The following CNTN5 variants were observed in gnomAD, a reference collection of about 807,000 sequenced individuals.
CNTN5 encodes the protein contactin-5.
CNTN5 carries 77 observed loss-of-function variants against 129.1 expected under a neutral mutation model. That is an observed-to-expected ratio of 0.60 (90% CI 0.50 to 0.72). The LOEUF is 0.72. CNTN5 is among the 30% of genes least tolerant of loss of function. The probability of loss-of-function intolerance (pLI) is 0.00; values close to 1 mark genes in which losing one functional copy is unlikely to be tolerated. For missense variants in CNTN5, 1,478 were observed against 1,328.8 expected (o/e 1.11, Z -1.75); for synonymous variants, 509 against 465.6 (o/e 1.09, Z -1.20).
intron 1 of CNTN5, among the ~76,000 whole-genome samples, chr11:99,057,224 AT>A (rs1176289676): frequency 6.6e-6 from 1 of 151,948 alleles, no homozygotes; most frequent in Non-Finnish European, 1.5e-5. Context: ...TATCCTGAAG[AT>A]TTTCTAGAAA....
intron 6 of CNTN5, among the ~76,000 whole-genome samples, chr11:99,883,293 C>T (rs1948819241): frequency 2.0e-5 from 3 of 152,174 alleles, no homozygotes; most frequent in Non-Finnish European, 2.9e-5. Flanking sequence ...AACCTCCAAA[C>T]TGTTCTCCGT....
chr11:99,360,585 A>G (rs928204650), intron 2 of CNTN5, among the ~76,000 whole-genome samples: 8 of 152,158 alleles, frequency 5.3e-5, no homozygotes, highest in African/African-American at 1.7e-4. Flanking sequence ...CCTTGGCCCA[A>G]TGGAGTCATA....
rs141455053 is a variant in CNTN5, at chr11:99,474,074, A to G, written c.-70-82071A>G. The stretch of plus-strand genomic sequence containing the variant: ...TTTATTGCACCAAAACAATTTTCTT[A>G]AATGGGAGTACTTGCTTACATTGTG... On this transcript the variant is annotated intron_variant, in intron 2 of 24. Coordinates refer to ENST00000524871, the MANE Select transcript of CNTN5 (RefSeq NM_014361.4). Among the ~76,000 whole-genome samples the G allele has an allele frequency of 6.6e-4, 100 of 152,180 alleles. 2 individuals are homozygous for G. In the South Asian group the frequency reaches 0.017, roughly 26 times the overall value.
chr11:99,499,985 A>C (rs1051239385), intron 2 of CNTN5, among the ~76,000 whole-genome samples: 1 of 152,132 alleles, frequency 6.6e-6, no homozygotes, highest in Non-Finnish European at 1.5e-5. Context: ...TTGACTTTGA[A>C]AAAGAATGGC....
chr11:99,087,287 A>T (rs1866042630), intron 1 of CNTN5, among the ~76,000 whole-genome samples: 1 of 152,136 alleles, frequency 6.6e-6, no homozygotes, highest in South Asian at 2.1e-4. Context: ...GCTGCAATTC[A>T]ACCTCAGGTA....
At chr11:100,064,668 C>T (rs1014470566) in intron 10 of CNTN5, among the ~76,000 whole-genome samples, 3 of 151,868 alleles carry the variant, frequency 2.0e-5, no homozygotes, top group East Asian at 1.9e-4. Context: ...TATTTCTGTC[C>T]CCTCTAGTTT....
intron 23 of CNTN5, among the ~76,000 whole-genome samples, chr11:100,349,265 T>TGTAA (rs1262424166): frequency 7.9e-5 from 12 of 152,010 alleles, no homozygotes; most frequent in Non-Finnish European, 1.6e-4. Flanking sequence ...TTTTTTTGTA[T>TGTAA]GTAAGTTAAT....
intron 1 of CNTN5, among the ~76,000 whole-genome samples, chr11:99,091,111 A>T (rs1354196207): frequency 6.6e-6 from 1 of 152,028 alleles, no homozygotes; most frequent in Non-Finnish European, 1.5e-5. Context: ...GACCTAAATC[A>T]AACACAGTGA....
At chr11:99,919,802 A>ATTTATTTTATTTTAT (rs145689745) in intron 7 of CNTN5, among the ~76,000 whole-genome samples, 1,918 of 147,650 alleles carry the variant, frequency 0.013, 30 homozygotes, top group African/African-American at 0.035. Context: ...TTTCTAGAAT[A>ATTTATTTTATTTTAT]TTTATTTTAT....
chr11:100,288,206 G>A (rs893297048), intron 18 of CNTN5, among the ~76,000 whole-genome samples: 1 of 152,114 alleles, frequency 6.6e-6, no homozygotes, highest in Non-Finnish European at 1.5e-5. Context: ...CAACGAGACA[G>A]AAAGTCAACA....
At chr11:100,122,595 C>T (rs543403753) in intron 13 of CNTN5, among the ~76,000 whole-genome samples, 21 of 152,048 alleles carry the variant, frequency 1.4e-4, no homozygotes, top group South Asian at 4.1e-4. Context: ...TAAAATGAAA[C>T]GTGAGCAATG....
chr11:99,143,407 AT>A (rs1404878963), intron 1 of CNTN5, among the ~76,000 whole-genome samples: 1 of 149,518 alleles, frequency 6.7e-6, no homozygotes, highest in Non-Finnish European at 1.5e-5. Flanking sequence ...TATTAAATAT[AT>A]CATATATAAA....
chr11:100,119,633 G>A (rs1208981780), intron 13 of CNTN5, among the ~76,000 whole-genome samples: 1 of 151,854 alleles, frequency 6.6e-6, no homozygotes, highest in African/African-American at 2.4e-5. Flanking sequence ...GAAGATTATG[G>A]AAGAATATAG....
intron 1 of CNTN5, among the ~76,000 whole-genome samples, chr11:99,299,381 A>C (rs115846670): frequency 2.0e-5 from 3 of 152,206 alleles, no homozygotes; most frequent in African/African-American, 7.2e-5. Flanking sequence ...TAAAAATTAT[A>C]AAGTTGGCAA....
intron 3 of CNTN5, among the ~76,000 whole-genome samples, chr11:99,700,806 C>A (rs1161742069): frequency 1.3e-5 from 2 of 151,230 alleles, no homozygotes; most frequent in Non-Finnish European, 3.0e-5. Context: ...TGGAAGCAGA[C>A]TTTGTCAAAA....
intron 2 of CNTN5, among the ~76,000 whole-genome samples, chr11:99,335,066 C>G (rs1250878089): frequency 1.3e-5 from 2 of 152,136 alleles, no homozygotes; most frequent in South Asian, 2.1e-4. Context: ...GTTTCAACCA[C>G]TGCTTCTAGG....
intron 7 of CNTN5, among the ~76,000 whole-genome samples, chr11:99,930,912 A>T (rs577317219): frequency 7.2e-5 from 11 of 152,258 alleles, no homozygotes; most frequent in African/African-American, 2.6e-4. Flanking sequence ...ATACAAGGAT[A>T]TTGAAGGAAA....
chr11:99,042,537 G>A (rs1019697836), intron 1 of CNTN5, among the ~76,000 whole-genome samples: 66 of 151,576 alleles, frequency 4.4e-4, no homozygotes, highest in African/African-American at 1.5e-3. Context: ...CACCACACCC[G>A]GCTAATTTTT....
intron 1 of CNTN5, among the ~76,000 whole-genome samples, chr11:99,031,513 T>A (rs1434028307): frequency 6.6e-6 from 1 of 151,450 alleles, no homozygotes; most frequent in Admixed American, 6.6e-5. Flanking sequence ...AACTATTGGA[T>A]AGAGAGGAAA....
Sources: allele counts gnomAD v4.1 joint callset (sites outside exome capture counted in the v4.1 genomes callset), GRCh38; gene constraint gnomAD v4.1.1; transcripts MANE v1.5; gene names NCBI Gene and HGNC (gene_info 2026-07-23, HGNC 2026-07-21).